The following CFAP206 variants were observed in gnomAD, a reference collection of about 807,000 sequenced individuals.
The protein encoded by CFAP206 is cilia- and flagella-associated protein 206.
A neutral mutation model predicts 65.4 loss-of-function variants in CFAP206; 53 were observed. The ratio of observed to expected loss-of-function variants is 0.81; its 90% CI spans 0.65 to 1.02. The LOEUF (loss-of-function observed/expected upper bound fraction) is 1.02. CFAP206 is among the 50% of genes least tolerant of loss of function. The pLI, the probability that CFAP206 is intolerant of heterozygous loss-of-function variation, is 0.00. For synonymous variants in CFAP206, 250 were observed against 254.4 expected, an observed-to-expected ratio of 0.98 and a Z score of 0.17; for missense variants, 663 against 753.2, an observed-to-expected ratio of 0.88 and a Z score of 1.40.
At chr6:87,444,336 T>G (rs1236535066) in intron 11 of CFAP206, 2 of 217,116 alleles carry the variant, frequency 9.2e-6, no homozygotes, top group South Asian at 1.7e-4. Flanking sequence ...TGTTGCAACA[T>G]GCATTAGGTG....
chr6:87,439,691 A>G (rs62419368), intron 11 of CFAP206, among the ~76,000 whole-genome samples: 3,884 of 152,074 alleles, frequency 0.026, 72 homozygotes, highest in Middle Eastern at 0.051. Context: ...TAGAGCCTTT[A>G]GTCCACTTGG....
At chr6:87,434,736 G>A (rs1191850583) in intron 10 of CFAP206, 124 bp from the exon 11 acceptor site, 11 of 528,612 alleles carry the variant, frequency 2.1e-5, no homozygotes, top group Non-Finnish European at 3.3e-5. Flanking sequence ...GACCTCAGGT[G>A]GTCTGCCTGC....
At position 87,413,979 on chromosome 6, in the gene CFAP206, A is replaced by G. The variant is rs1342925200; in HGVS notation, c.283+79A>G. On this transcript the variant is annotated intron_variant, in intron 4 of 12. Coordinates refer to ENST00000369562, the MANE Select transcript of CFAP206 (RefSeq NM_001031743.3). ...TAAGAAGGGCTTCATTTGGTTGACA[A>G]TGAATTTAATTGTTTAATCAATTTA... 1.1e-5 allele frequency: 7 copies of G among 630,068 alleles called. No homozygotes were observed. The South Asian group carries it at 2.5e-4, about 22-fold the overall frequency. The allele number at this position is 630,068 out of a possible 1,614,324, so 39.0% of individuals were successfully genotyped here.
chr6:87,448,202 G>A (rs567223652), intron 11 of CFAP206, among the ~76,000 whole-genome samples: 13 of 152,040 alleles, frequency 8.6e-5, no homozygotes, highest in African/African-American at 2.4e-4. Flanking sequence ...GAGATCATGC[G>A]ATGTTTGGTT....
chr6:87,453,219 A>G (rs747623388), intron 11 of CFAP206, among the ~76,000 whole-genome samples: 5 of 152,126 alleles, frequency 3.3e-5, no homozygotes, highest in Non-Finnish European at 5.9e-5. Flanking sequence ...TTATCCTAGA[A>G]TGGTATATAT....
Position 87,428,773 on chromosome 6 carries a change from C to A in CFAP206, c.1108C>A (p.Leu370Ile). ...TCCTGAGAGAGTGATGCAATGTCAT[C>A]TTAATGGAGCGACTGTGAAAACTGA... ...YFPERVMQCH[L>I]NGATVKTDVC... The change falls in exon 9 of 13, where the codon CTT becomes ATT. Residue 370 changes from leucine (L) to isoleucine (I), a missense_variant. Physicochemically the swap from Leu to Ile is conservative, Grantham distance 5 (BLOSUM62 2). Transcript: ENST00000369562. The A allele has an allele frequency of 6.2e-7, 1 of 1,614,124 alleles. No homozygotes were observed.
intron 7 of CFAP206, among the ~76,000 whole-genome samples, chr6:87,421,732 C>T (rs1582135976): frequency 6.6e-6 from 1 of 152,176 alleles, no homozygotes; most frequent in East Asian, 1.9e-4. Flanking sequence ...CTGCGTTTGA[C>T]AGCACATTTG....
intron 11 of CFAP206, among the ~76,000 whole-genome samples, chr6:87,454,488 A>C (rs1768601668): frequency 6.6e-6 from 1 of 152,192 alleles, no homozygotes; most frequent in South Asian, 2.1e-4. Context: ...TAGGCCACAA[A>C]AGAAATCTTA....
chr6:87,463,330 C>A (rs9450699), intron 12 of CFAP206, among the ~76,000 whole-genome samples: 1 of 152,008 alleles, frequency 6.6e-6, no homozygotes, highest in Non-Finnish European at 1.5e-5. Context: ...GGAGTAGTTT[C>A]GGTTCTCAGT....
intron 11 of CFAP206, chr6:87,436,669 C>G (rs1768273603): frequency 6.6e-6 from 1 of 152,314 alleles, no homozygotes; most frequent in Non-Finnish European, 1.5e-5. Flanking sequence ...TTGTGTTATT[C>G]TGACATCGTG....
chr6:87,423,741 T>G lies in CFAP206; in HGVS notation c.841-2785T>G, dbSNP rs181356983. The stretch of plus-strand genomic sequence containing the variant: ...AACAAGCAAGGGGGAAAAAACTCTA[T>G]GAGGGTAGACAAGAGACCTATTTGA... On this transcript the variant is annotated intron_variant, in intron 7 of 12. Coordinates refer to ENST00000369562, the MANE Select transcript of CFAP206 (RefSeq NM_001031743.3). 6.6e-5 allele frequency among the ~76,000 whole-genome samples: 10 copies of G among 152,246 alleles called. No homozygotes were observed. The East Asian group carries it at 1.9e-3, about 29-fold the overall frequency.
chr6:87,430,944 G>A, intron 9 of CFAP206, 89 bp from the exon 10 acceptor site: 1 of 1,218,460 alleles, frequency 8.2e-7, no homozygotes, highest in Non-Finnish European at 1.2e-6. Flanking sequence ...CAATAAAAAG[G>A]TAATGTTTAG....
At chr6:87,426,771 G>T in intron 8 of CFAP206, 126 bp downstream of exon 8, 1 of 760,950 alleles carries the variant, frequency 1.3e-6, no homozygotes. Context: ...AATTGATCCT[G>T]TTCTTTATGG....
Position 87,413,806 on chromosome 6 carries a change from C to G in CFAP206, c.193-4C>G. On this transcript the variant is annotated splice_region_variant and splice_polypyrimidine_tract_variant and intron_variant, in intron 3 of 12. Coordinates refer to ENST00000369562, the MANE Select transcript of CFAP206 (RefSeq NM_001031743.3). ...AGAAGTATTCATGGGACATTCTTTT[C>G]TAGCTTTGTATGACTCGGCTATTGG... 2 of 1,533,834 alleles carry G rather than the reference C, an allele frequency of 1.3e-6. No individual in the cohort carries two copies. The highest frequency in any genetic ancestry group is 1.8e-6 in the Non-Finnish European group (2 of 1,133,118).
At chr6:87,415,439 G>A in intron 4 of CFAP206, 1 of 432,390 alleles carries the variant, frequency 2.3e-6, no homozygotes, top group Non-Finnish European at 4.4e-6. Context: ...TGTTTAGTTT[G>A]GCTGTTTAAA....
intron 11 of CFAP206, among the ~76,000 whole-genome samples, chr6:87,449,823 G>T (rs1768509624): frequency 6.6e-6 from 1 of 152,076 alleles, no homozygotes; most frequent in Admixed American, 6.6e-5. Flanking sequence ...AAGCTTTTTA[G>T]TTTGATATAA....
chr6:87,418,244 T>C lies in CFAP206; in HGVS notation c.668T>C (p.Met223Thr). The change falls in exon 7 of 13, where the codon ATG (methionine) becomes ACG (threonine). Residue 223 changes from methionine (M) to threonine (T), a missense_variant. Coordinates refer to ENST00000369562, the MANE Select transcript of CFAP206 (RefSeq NM_001031743.3). ...CTCCATGTAGCAATCCCAGCCACCA[T>C]GCAGCATATTGATTACCAGCTTGAG... Reference protein sequence around the residue: ...AVLHVAIPATMQHIDYQLETA... With the variant: ...AVLHVAIPATTQHIDYQLETA... The C allele has an allele frequency of 6.2e-7, 1 of 1,614,204 alleles. No homozygotes were observed. Among genetic ancestry groups the C allele is most frequent in the Non-Finnish European group, 8.5e-7 (1 of 1,180,030 alleles).
intron 3 of CFAP206, among the ~76,000 whole-genome samples, chr6:87,413,446 C>G (rs946886664): frequency 2.6e-4 from 39 of 152,154 alleles, no homozygotes; most frequent in African/African-American, 9.4e-4. Flanking sequence ...GAGAGTGGAA[C>G]AGTAGACATT....
At chr6:87,444,040 C>G (rs991716409) in intron 11 of CFAP206, among the ~76,000 whole-genome samples, 1 of 152,082 alleles carries the variant, frequency 6.6e-6, no homozygotes, top group African/African-American at 2.4e-5. Context: ...TTATTTATGT[C>G]TGTTAGTTTA....
Sources: allele counts gnomAD v4.1 joint callset (sites outside exome capture counted in the v4.1 genomes callset), GRCh38; gene constraint gnomAD v4.1.1; transcripts MANE v1.5; gene names NCBI Gene and HGNC (gene_info 2026-07-23, HGNC 2026-07-21).